The following SMIM36 variants were observed in gnomAD, a reference collection of about 807,000 sequenced individuals.
SMIM36 encodes small integral membrane protein 36.
At chr17:55,474,244 C>G (rs1287375825) in intron 3 of SMIM36, among the ~76,000 whole-genome samples, 1 of 152,138 alleles carries the variant, frequency 6.6e-6, no homozygotes, top group Non-Finnish European at 1.5e-5. Flanking sequence ...TTTCTTGGTT[C>G]CCTGATTGGG....
the SMIM36 span, among the ~76,000 whole-genome samples, chr17:55,529,609 T>TACACACACACACAC: frequency 4.2e-3 from 601 of 143,012 alleles, 4 homozygotes; most frequent in Middle Eastern, 0.014. Flanking sequence ...CTACTAAAAA[T>TACACACACACACAC]ACACACACAC....
At chr17:55,469,032 T>A (rs1053006035) in intron 3 of SMIM36, among the ~76,000 whole-genome samples, 32 of 152,048 alleles carry the variant, frequency 2.1e-4, no homozygotes, top group African/African-American at 7.0e-4. Context: ...TCGTCCCAAA[T>A]CTTTCTTCTT....
upstream of SMIM36, among the ~76,000 whole-genome samples, chr17:55,513,091 C>A (rs1358057643): frequency 6.6e-6 from 1 of 152,110 alleles, no homozygotes; most frequent in African/African-American, 2.4e-5. Context: ...TTAGGGTCAG[C>A]CTTATTGGAA....
chr17:55,454,904 T>A (rs1169916620), intron 4 of SMIM36, among the ~76,000 whole-genome samples: 1 of 152,250 alleles, frequency 6.6e-6, no homozygotes, highest in Admixed American at 6.5e-5. Context: ...CGTGAAGAGA[T>A]ACCATAATTT....
chr17:55,463,287 C>T (rs755477545), intron 4 of SMIM36, among the ~76,000 whole-genome samples: 5 of 152,142 alleles, frequency 3.3e-5, no homozygotes, highest in Non-Finnish European at 5.9e-5. Context: ...GACACGGTGG[C>T]TCACACCTGT....
At chr17:55,452,700 G>C (rs1908942101) in intron 4 of SMIM36, among the ~76,000 whole-genome samples, 1 of 152,182 alleles carries the variant, frequency 6.6e-6, no homozygotes, top group Non-Finnish European at 1.5e-5. Flanking sequence ...TGGGTGACCT[G>C]AGAGTGACCT....
intron 1 of SMIM36, among the ~76,000 whole-genome samples, chr17:55,481,642 G>A (rs1909523203): frequency 6.6e-6 from 1 of 152,114 alleles, no homozygotes; most frequent in Admixed American, 6.6e-5. Context: ...TAAACTTCCA[G>A]ACAAGATTTG....
At chr17:55,530,560 G>A in the SMIM36 span, among the ~76,000 whole-genome samples, 3 of 152,162 alleles carry the variant, frequency 2.0e-5, no homozygotes, top group African/African-American at 4.8e-5. Flanking sequence ...CAAGGCAGGC[G>A]GATCAAAAGG....
At chr17:55,501,070 A>T (rs186519050) in intron 1 of SMIM36, among the ~76,000 whole-genome samples, 493 of 21,752 alleles carry the variant, frequency 0.023, 195 homozygotes, top group African/African-American at 0.21. Context: ...ATTATTATAT[A>T]TTATAATATA....
At chr17:55,516,967 A>G in the SMIM36 span, among the ~76,000 whole-genome samples, 1 of 152,146 alleles carries the variant, frequency 6.6e-6, no homozygotes, top group Admixed American at 6.5e-5. Flanking sequence ...AACACTCCCT[A>G]TACCATCTTT....
intron 1 of SMIM36, among the ~76,000 whole-genome samples, chr17:55,500,307 T>G (rs535008499): frequency 6.6e-6 from 1 of 151,980 alleles, no homozygotes; most frequent in Non-Finnish European, 1.5e-5. Flanking sequence ...TCACTTCTTA[T>G]AGAGACGGGC....
intron 1 of SMIM36, among the ~76,000 whole-genome samples, chr17:55,497,414 G>A (rs1460875106): frequency 2.6e-5 from 4 of 152,040 alleles, no homozygotes; most frequent in East Asian, 1.9e-4. Context: ...ACAGGCAAGC[G>A]CCACCACGCC....
At chr17:55,491,304 A>T (rs1482187221) in intron 1 of SMIM36, among the ~76,000 whole-genome samples, 1 of 151,590 alleles carries the variant, frequency 6.6e-6, no homozygotes, top group South Asian at 2.1e-4. Flanking sequence ...AATATTAATT[A>T]AAAAAAGAAA....
At chr17:55,501,025 T>TA (rs1567870738) in intron 1 of SMIM36, among the ~76,000 whole-genome samples, 1 of 20,552 alleles carries the variant, frequency 4.9e-5, no homozygotes, top group African/African-American at 3.7e-4. Flanking sequence ...TTTTGTAATA[T>TA]ATAATATATT....
At chr17:55,487,110 C>T (rs533195173) in intron 1 of SMIM36, among the ~76,000 whole-genome samples, 1 of 150,348 alleles carries the variant, frequency 6.7e-6, no homozygotes, top group African/African-American at 2.4e-5. Flanking sequence ...AACAGAAAAC[C>T]AAACACCGCA....
At chr17:55,456,864 C>A (rs1196885743) in intron 4 of SMIM36, among the ~76,000 whole-genome samples, 1 of 152,182 alleles carries the variant, frequency 6.6e-6, no homozygotes, top group Non-Finnish European at 1.5e-5. Flanking sequence ...CATGTCAACA[C>A]ATTAAAAAGG....
intron 4 of SMIM36, among the ~76,000 whole-genome samples, chr17:55,466,819 T>C (rs1436422306): frequency 6.6e-6 from 1 of 152,218 alleles, no homozygotes; most frequent in Non-Finnish European, 1.5e-5. Flanking sequence ...GAAGCCAAAG[T>C]TCAGTTTCCT....
At chr17:55,529,941 C>T in the SMIM36 span, among the ~76,000 whole-genome samples, 5 of 152,250 alleles carry the variant, frequency 3.3e-5, no homozygotes, top group Admixed American at 6.5e-5. Flanking sequence ...CCTCAGCCAT[C>T]TTGCTGATAA....
intron 1 of SMIM36, among the ~76,000 whole-genome samples, chr17:55,501,415 A>AG: frequency 4.0e-5 from 1 of 24,746 alleles, no homozygotes; most frequent in African/African-American, 2.0e-4. Flanking sequence ...TATATATTAT[A>AG]AAATATAATA....
Sources: allele counts gnomAD v4.1 joint callset (sites outside exome capture counted in the v4.1 genomes callset), GRCh38; gene constraint gnomAD v4.1.1; transcripts MANE v1.5; gene names NCBI Gene and HGNC (gene_info 2026-07-23, HGNC 2026-07-21).